PAK1: variants seen among roughly 807,000 people sequenced by gnomAD.
PAK1 encodes the protein p21 (RAC1) activated kinase 1, also known as serine/threonine-protein kinase PAK 1.
Under a neutral mutation model 67.4 loss-of-function variants are expected in PAK1, and 29 were observed. The observed-to-expected ratio is 0.43, with a 90% CI of 0.32 to 0.59. The LOEUF is 0.59. PAK1 is among the 20% of genes least tolerant of loss of function. The pLI is 0.07. For missense variants in PAK1, 337 were observed against 670.7 expected (o/e 0.50, Z 5.50); for synonymous variants, 223 against 237.4 (o/e 0.94, Z 0.56).
intron 5 of PAK1, among the ~76,000 whole-genome samples, chr11:77,361,732 T>A (rs983776700): frequency 2.0e-5 from 3 of 152,178 alleles, no homozygotes; most frequent in African/African-American, 7.2e-5. Context: ...GGTTCTTGGT[T>A]CTCAGTTCTT....
At chr11:77,448,005 A>G (rs1289433462) in intron 1 of PAK1, among the ~76,000 whole-genome samples, 2 of 152,130 alleles carry the variant, frequency 1.3e-5, no homozygotes. Flanking sequence ...ACATCTACAT[A>G]CTCAATTTGT....
chr11:77,322,527 T>C lies in PAK1; in HGVS notation c.*747A>G. ...TTCTCAACACTGCTCTCACTCAGTA[T>C]GTGCCCTAGAAAACCTCTCAATGTT... On this transcript the variant is annotated 3_prime_UTR_variant, in exon 15 of 15. Coordinates refer to ENST00000356341, the MANE Select transcript of PAK1 (RefSeq NM_002576.5). 1 of 195,194 alleles carries C rather than the reference T, an allele frequency of 5.1e-6. No individual in the cohort carries two copies. The highest frequency in any genetic ancestry group is 1.1e-5 in the Non-Finnish European group (1 of 93,402). The allele number at this position is 195,194 out of a possible 1,614,324, so 12.1% of individuals were successfully genotyped here.
chr11:77,378,841 G>A (rs532770828), intron 4 of PAK1, among the ~76,000 whole-genome samples: 3 of 152,146 alleles, frequency 2.0e-5, no homozygotes, highest in Non-Finnish European at 4.4e-5. Flanking sequence ...TCTTGCCTTG[G>A]CCTCCCAAAG....
chr11:77,459,840 G>A (rs946172785), intron 1 of PAK1, among the ~76,000 whole-genome samples: 2 of 152,012 alleles, frequency 1.3e-5, no homozygotes, highest in Non-Finnish European at 2.9e-5. Context: ...GGGACTACAG[G>A]CGCCCGCCAC....
the PAK1 span, among the ~76,000 whole-genome samples, chr11:77,513,036 G>A: frequency 6.6e-6 from 1 of 152,176 alleles, no homozygotes; most frequent in African/African-American, 2.4e-5. Flanking sequence ...CATACAGTGA[G>A]CTATGATGGC....
At chr11:77,352,959 T>C (rs953854706) in intron 8 of PAK1, among the ~76,000 whole-genome samples, 1 of 152,166 alleles carries the variant, frequency 6.6e-6, no homozygotes, top group Non-Finnish European at 1.5e-5. Flanking sequence ...TATACAATTG[T>C]TTGCCTATCT....
At chr11:77,508,378 G>T in the PAK1 span, among the ~76,000 whole-genome samples, 2 of 152,184 alleles carry the variant, frequency 1.3e-5, no homozygotes, top group South Asian at 4.1e-4. Flanking sequence ...GTGATTTGGT[G>T]CACATTGGAG....
chr11:77,423,402 TACACACACACACACAC>T (rs5792767), intron 1 of PAK1, among the ~76,000 whole-genome samples: 22 of 136,956 alleles, frequency 1.6e-4, no homozygotes, highest in East Asian at 6.4e-4. Context: ...TGCTTTCAAA[TACACACACACACACAC>T]ACACACACAC....
chr11:77,334,083 C>G (rs760865419), intron 13 of PAK1, among the ~76,000 whole-genome samples: 22 of 151,618 alleles, frequency 1.5e-4, no homozygotes, highest in African/African-American at 4.8e-4. Flanking sequence ...GCAGGAGAAT[C>G]GCTTGAACCT....
Position 77,378,503 on chromosome 11 carries a change from AATG to A in PAK1, c.439+735_439+737del, listed in dbSNP as rs577537664. Among the ~76,000 whole-genome samples the A allele has an allele frequency of 5.6e-4, 85 of 152,342 alleles. 1 individual carries two copies. Among genetic ancestry groups the A allele is most frequent in the Admixed American group, 4.8e-3 (73 of 15,304 alleles). ...AATAACTAATAATAATATTAACAAT[AATG>A]ATGACAATGATAGCTACATTTCTAT... On this transcript the variant is annotated intron_variant, in intron 4 of 14. Coordinates refer to ENST00000356341, the MANE Select transcript of PAK1 (RefSeq NM_002576.5).
At chr11:77,408,532 T>TACACACACAC (rs377689850) in intron 1 of PAK1, among the ~76,000 whole-genome samples, 95 of 137,936 alleles carry the variant, frequency 6.9e-4, no homozygotes, top group African/African-American at 2.0e-3. Flanking sequence ...TATGGAGAAA[T>TACACACACAC]ACACACACAC....
chr11:77,466,420 G>A (rs559868771), intron 1 of PAK1, among the ~76,000 whole-genome samples: 122 of 152,136 alleles, frequency 8.0e-4, no homozygotes, highest in African/African-American at 2.8e-3. Flanking sequence ...TGGCTAACAC[G>A]GTGAAACCCT....
intron 4 of PAK1, among the ~76,000 whole-genome samples, chr11:77,376,071 A>C (rs1204289350): frequency 6.6e-6 from 1 of 152,228 alleles, no homozygotes; most frequent in Non-Finnish European, 1.5e-5. Flanking sequence ...TGTCCAAAAG[A>C]CTATAGACTA....
At chr11:77,361,245 A>G (rs575662) in intron 5 of PAK1, among the ~76,000 whole-genome samples, 106,730 of 152,074 alleles carry the variant, frequency 0.7, 38,304 homozygotes, top group African/African-American at 0.85. Context: ...TCTCTAATAA[A>G]ATGTCATATA....
intron 5 of PAK1, among the ~76,000 whole-genome samples, chr11:77,372,132 C>T (rs1006123711): frequency 2.0e-5 from 3 of 152,206 alleles, no homozygotes; most frequent in Non-Finnish European, 4.4e-5. Context: ...CACCGTGCAT[C>T]GCAGGCACTC....
chr11:77,415,410 G>A (rs1352963016), intron 1 of PAK1, among the ~76,000 whole-genome samples: 2 of 152,100 alleles, frequency 1.3e-5, no homozygotes, highest in African/African-American at 2.4e-5. Context: ...ATTGTTATGC[G>A]AACATCACAG....
At chr11:77,392,973 T>A (rs1219749566) in intron 1 of PAK1, among the ~76,000 whole-genome samples, 1 of 152,194 alleles carries the variant, frequency 6.6e-6, no homozygotes, top group Non-Finnish European at 1.5e-5. Flanking sequence ...TGCCAACCTC[T>A]AATTTTATAA....
rs778037900 is a variant in PAK1 at position 77,449,691 on chromosome 11, T to TTAAA, written c.-22+23860_-22+23861insTTTA. On this transcript the variant is annotated intron_variant, in intron 1 of 14. Transcript: ENST00000356341. ...ATGCTTTCCTTTTCAATCCTATAGGTAAAAAAAAAAAAAAAAAAAAAATCA... is the reference window on the plus strand; with the variant it reads ...ATGCTTTCCTTTTCAATCCTATAGGTTAAAAAAAAAAAAAAAAAAAAAAAAATCA... Among the ~76,000 whole-genome samples the TTAAA allele has an allele frequency of 7.2e-3, 825 of 113,940 alleles. 4 individuals carry two copies. Among genetic ancestry groups the TTAAA allele is most frequent in the Middle Eastern group, 0.072 (16 of 222 alleles). The allele number at this position is 113,940 out of a possible 152,430, so 74.7% of individuals were successfully genotyped here.
intron 10 of PAK1, among the ~76,000 whole-genome samples, chr11:77,342,885 C>CTT (rs35338818): frequency 0.25 from 36,069 of 146,762 alleles, 4,965 homozygotes; most frequent in Non-Finnish European, 0.32. Flanking sequence ...AGAAGCTTAA[C>CTT]TTTTTTTTTT....
Sources: gnomAD v4.1 joint callset for allele counts (sites outside exome capture counted in the v4.1 genomes callset) on GRCh38, gnomAD v4.1.1 for gene constraint, MANE v1.5 for transcripts, NCBI Gene and HGNC (gene_info 2026-07-23, HGNC 2026-07-21) for gene names.